The following SPIDR variants were observed in gnomAD, a reference collection of about 807,000 sequenced individuals.
SPIDR encodes DNA repair-scaffolding protein.
A neutral mutation model predicts 104.6 loss-of-function variants in SPIDR; 93 were observed. The observed-to-expected ratio is 0.89, with a 90% CI of 0.75 to 1.06. SPIDR has a LOEUF of 1.06. Among genes scored for constraint, SPIDR ranks in the 50% least tolerant of loss-of-function variants. SPIDR has a pLI of 0.00. For synonymous variants in SPIDR, 431 were observed against 416.9 expected, an observed-to-expected ratio of 1.03 and a Z score of -0.41; for missense variants, 1,154 against 1,111.2, an observed-to-expected ratio of 1.04 and a Z score of -0.55.
At chr8:47,391,659 T>A (rs1171757833) in intron 5 of SPIDR, among the ~76,000 whole-genome samples, 1 of 152,148 alleles carries the variant, frequency 6.6e-6, no homozygotes, top group Non-Finnish European at 1.5e-5. Context: ...CAGAAGACAT[T>A]CTTGGTGTTC....
intron 16 of SPIDR, among the ~76,000 whole-genome samples, chr8:47,724,375 T>A (rs915472443): frequency 1.1e-4 from 16 of 152,150 alleles, no homozygotes; most frequent in Non-Finnish European, 1.8e-4. Flanking sequence ...TCCTACACAG[T>A]CCTCAGCCTG....
chr8:47,337,834 G>C (rs2050052535), intron 5 of SPIDR, among the ~76,000 whole-genome samples: 1 of 152,132 alleles, frequency 6.6e-6, no homozygotes, highest in Admixed American at 6.6e-5. Context: ...GTTTTAAGCA[G>C]AGTGTTCTTT....
At chr8:47,671,100 G>A (rs1344494658) in intron 10 of SPIDR, among the ~76,000 whole-genome samples, 2 of 152,042 alleles carry the variant, frequency 1.3e-5, no homozygotes, top group African/African-American at 4.8e-5. Context: ...TGTAGAGACA[G>A]GGTCTCACTT....
intron 11 of SPIDR, among the ~76,000 whole-genome samples, chr8:47,678,376 C>T (rs1320183798): frequency 6.6e-6 from 1 of 152,124 alleles, no homozygotes; most frequent in Non-Finnish European, 1.5e-5. Flanking sequence ...GATAGGGCCA[C>T]AAGGCTGGAA....
At position 47,735,609 on chromosome 8, in the gene SPIDR, TTTGTG is replaced by T; in HGVS notation, c.*160_*164del. 7.2e-7 allele frequency: 1 copy of T among 1,395,692 alleles called. No individual in the cohort carries two copies. 86.5% of individuals were successfully genotyped at this position (1,395,692 alleles called of 1,614,324 possible). On this transcript the variant is annotated 3_prime_UTR_variant, in exon 20 of 20. Transcript: ENST00000297423. Reference sequence around the variant, plus strand: ...TTCTGGGGAAATGTTCAGATACAGTTTTGTGAACTGTAAATCAAAATACCTTTTTC... The same window carrying T: ...TTCTGGGGAAATGTTCAGATACAGTTAACTGTAAATCAAAATACCTTTTTC...
chr8:47,517,636 T>C (rs1434310974), intron 8 of SPIDR, among the ~76,000 whole-genome samples: 4 of 152,242 alleles, frequency 2.6e-5, no homozygotes, highest in African/African-American at 9.6e-5. Context: ...GAAAAAAACA[T>C]ACTTTTAACC....
At chr8:47,656,232 T>C (rs1276026250) in intron 10 of SPIDR, among the ~76,000 whole-genome samples, 1 of 152,132 alleles carries the variant, frequency 6.6e-6, no homozygotes, top group Non-Finnish European at 1.5e-5. Context: ...AATTAAAAAC[T>C]TTAACGTCTC....
intron 5 of SPIDR, among the ~76,000 whole-genome samples, chr8:47,350,221 GAAAATGCTCTGAGC>G (rs2053192962): frequency 3.9e-5 from 6 of 152,202 alleles, no homozygotes; most frequent in Non-Finnish European, 7.3e-5. Context: ...AGATTCCCAA[GAAAATGCTCTGAGC>G]AGCTCTGAGT....
intron 10 of SPIDR, among the ~76,000 whole-genome samples, chr8:47,649,500 G>A (rs983824916): frequency 2.6e-5 from 4 of 152,152 alleles, no homozygotes; most frequent in Admixed American, 6.5e-5. Context: ...AATGCAGCCC[G>A]ATTCTGAACT....
At chr8:47,493,536 A>G (rs371007159) in intron 8 of SPIDR, among the ~76,000 whole-genome samples, 1 of 152,210 alleles carries the variant, frequency 6.6e-6, no homozygotes, top group East Asian at 1.9e-4. Context: ...TTTAAAGCCT[A>G]CTTATTTTTC....
chr8:47,284,058 G>A lies in SPIDR; in HGVS notation c.220G>A (p.Glu74Lys). 1 of 1,612,424 alleles carries A rather than the reference G, an allele frequency of 6.2e-7. No homozygotes were observed. ...SLTAEEKTIT[E>K]KHLELCPRPK... ...AACAGCTGAAGAGAAGACGATTACA[G>A]AAAAGCACCTTGAATTATGCCCTAG... is the stretch of plus-strand genomic sequence containing the variant. Residue 74 changes from glutamate (E) to lysine (K), a missense_variant, in exon 3 of 20, where the codon GAA becomes AAA. Physicochemically the swap from Glu to Lys is moderately conservative, Grantham distance 56. Coordinates refer to ENST00000297423, the MANE Select transcript of SPIDR (RefSeq NM_001080394.4).
chr8:47,333,540 G>T (rs1443024681), intron 5 of SPIDR, among the ~76,000 whole-genome samples: 5 of 151,910 alleles, frequency 3.3e-5, no homozygotes, highest in Non-Finnish European at 7.4e-5. Flanking sequence ...CTGACCTCAG[G>T]TGATCCCCAC....
chr8:47,388,052 G>C (rs1485787138), intron 5 of SPIDR, among the ~76,000 whole-genome samples: 1 of 152,090 alleles, frequency 6.6e-6, no homozygotes, highest in Non-Finnish European at 1.5e-5. Flanking sequence ...CCTGCCTTAG[G>C]TGCTTTCTTC....
chr8:47,512,595 G>A (rs1454946650), intron 8 of SPIDR, among the ~76,000 whole-genome samples: 2 of 152,134 alleles, frequency 1.3e-5, no homozygotes, highest in Non-Finnish European at 2.9e-5. Flanking sequence ...GGAGCTTCCC[G>A]ACAGCCCTGA....
intron 8 of SPIDR, among the ~76,000 whole-genome samples, chr8:47,513,238 T>C (rs1050215820): frequency 4.6e-5 from 7 of 152,230 alleles, no homozygotes; most frequent in Non-Finnish European, 7.3e-5. Flanking sequence ...AAACCAGATA[T>C]TCAAAACAAA....
intron 11 of SPIDR, among the ~76,000 whole-genome samples, chr8:47,678,969 A>T (rs1410512160): frequency 2.0e-5 from 3 of 152,166 alleles, no homozygotes; most frequent in African/African-American, 7.2e-5. Flanking sequence ...TTCCCAGCCC[A>T]CTGCCCTGCT....
At chr8:47,423,781 A>G (rs1195039382) in intron 7 of SPIDR, among the ~76,000 whole-genome samples, 1 of 152,174 alleles carries the variant, frequency 6.6e-6, no homozygotes, top group Admixed American at 6.5e-5. Context: ...GGAAACCTGC[A>G]CTTTAAAATG....
chr8:47,579,990 T>C (rs1357803221), intron 8 of SPIDR, among the ~76,000 whole-genome samples: 1 of 152,208 alleles, frequency 6.6e-6, no homozygotes, highest in Non-Finnish European at 1.5e-5. Flanking sequence ...GGACTAGTGG[T>C]ATACAATTAG....
intron 8 of SPIDR, among the ~76,000 whole-genome samples, chr8:47,580,574 G>A (rs138538173): frequency 0.011 from 1,660 of 151,926 alleles, 19 homozygotes; most frequent in Non-Finnish European, 0.018. Flanking sequence ...AAACCTATAC[G>A]TCCTCTCCTT....
Sources: gnomAD v4.1 joint callset for allele counts (sites outside exome capture counted in the v4.1 genomes callset) on GRCh38, gnomAD v4.1.1 for gene constraint, MANE v1.5 for transcripts, NCBI Gene and HGNC (gene_info 2026-07-23, HGNC 2026-07-21) for gene names.